The following PTK2B variants were observed in gnomAD, a reference collection of about 807,000 sequenced individuals.
PTK2B encodes protein tyrosine kinase 2 beta, also known as protein-tyrosine kinase 2-beta.
PTK2B carries 71 observed loss-of-function variants against 142.9 expected under a neutral mutation model. The observed-to-expected ratio is 0.50, with a 90% CI of 0.41 to 0.61. The LOEUF (loss-of-function observed/expected upper bound fraction) is 0.61, where lower values mean the gene tolerates loss of function less well. Ranked by LOEUF, PTK2B falls within the 20% of genes least tolerant of loss-of-function variation. The pLI, the probability that PTK2B is intolerant of heterozygous loss-of-function variation, is 0.00. For missense variants in PTK2B, 1,105 were observed against 1,320.4 expected (o/e 0.84, Z 2.53); for synonymous variants, 519 against 503.4 (o/e 1.03, Z -0.42).
At chr8:27,415,436 G>A (rs184753300) in intron 2 of PTK2B, among the ~76,000 whole-genome samples, 1 of 152,292 alleles carries the variant, frequency 6.6e-6, no homozygotes, top group Admixed American at 6.5e-5. Flanking sequence ...AAAAATGATG[G>A]GATAGCTTGG....
At chr8:27,396,749 C>G (rs1417199708) in intron 1 of PTK2B, among the ~76,000 whole-genome samples, 2 of 152,218 alleles carry the variant, frequency 1.3e-5, no homozygotes, top group Admixed American at 6.5e-5. Context: ...GTTGCTGATT[C>G]AAGGTGAACT....
chr8:27,340,536 A>G (rs181678756), intron 1 of PTK2B, among the ~76,000 whole-genome samples: 1 of 152,364 alleles, frequency 6.6e-6, no homozygotes, highest in East Asian at 1.9e-4. Flanking sequence ...AGTGTTGGAC[A>G]TCATTCTCCG....
intron 1 of PTK2B, among the ~76,000 whole-genome samples, chr8:27,343,879 T>G (rs1284205436): frequency 6.6e-6 from 1 of 151,986 alleles, no homozygotes; most frequent in Non-Finnish European, 1.5e-5. Flanking sequence ...GGTGGGCGCC[T>G]GTAGTCCCAG....
At chr8:27,418,597 A>C (rs1400599975) in intron 2 of PTK2B, among the ~76,000 whole-genome samples, 1 of 152,214 alleles carries the variant, frequency 6.6e-6, no homozygotes, top group Non-Finnish European at 1.5e-5. Context: ...GATGGCACGC[A>C]CATTGCAGAC....
At chr8:27,407,881 C>T (rs945827326) in intron 2 of PTK2B, among the ~76,000 whole-genome samples, 1 of 152,186 alleles carries the variant, frequency 6.6e-6, no homozygotes, top group Admixed American at 6.5e-5. Flanking sequence ...TAAGCTCTTA[C>T]GTGTCTGTAA....
upstream of PTK2B, among the ~76,000 whole-genome samples, chr8:27,323,056 A>G (rs1205571461): frequency 6.6e-6 from 1 of 152,258 alleles, no homozygotes; most frequent in Non-Finnish European, 1.5e-5. Context: ...AAAGTTAATC[A>G]CCAGCTCAAC....
intron 26 of PTK2B, 21 bp downstream of exon 26, chr8:27,451,099 GCCTCCT>G: frequency 6.2e-7 from 1 of 1,608,466 alleles, no homozygotes; most frequent in Admixed American, 1.7e-5. Context: ...AGGAGAGGCC[GCCTCCT>G]CCATGCCAAG....
rs112021465 is a variant in PTK2B, at chr8:27,364,470, G to C, written c.-37-33078G>C. Among the ~76,000 whole-genome samples, 1,098 of 152,374 alleles carry C rather than the reference G, an allele frequency of 7.2e-3. 12 individuals carry two copies. The highest frequency in any genetic ancestry group is 0.024 in the African/African-American group (986 of 41,584). On this transcript the variant is annotated intron_variant, in intron 1 of 30. Coordinates refer to ENST00000346049, the MANE Select transcript of PTK2B (RefSeq NM_173176.3). ...ATGTGCTGAAAAGGGAACAGCAGCCGTGAAGAAAAGCTTCCTGACGGAGGT... is the reference window on the plus strand; with the variant it reads ...ATGTGCTGAAAAGGGAACAGCAGCCCTGAAGAAAAGCTTCCTGACGGAGGT...
At chr8:27,441,502 T>G (rs1315305506) in intron 21 of PTK2B, among the ~76,000 whole-genome samples, 1 of 152,188 alleles carries the variant, frequency 6.6e-6, no homozygotes, top group Non-Finnish European at 1.5e-5. Context: ...TTGTTTGATT[T>G]TAGGGCAAGT....
rs754372706 is a variant in PTK2B, at chr8:27,442,861, GT to G, written c.2040-13del. Reference sequence around the variant, plus strand: ...GACCTAGTTTCTCTCCTTATCTGACGTGACTCCCTGCAGTGACGTTTATCAG... The same window carrying G: ...GACCTAGTTTCTCTCCTTATCTGACGGACTCCCTGCAGTGACGTTTATCAG... On this transcript the variant is annotated splice_polypyrimidine_tract_variant and intron_variant, in intron 21 of 30. Transcript: ENST00000346049. 1 of 1,606,296 alleles carries G rather than the reference GT, an allele frequency of 6.2e-7. No individual in the cohort carries two copies. Among genetic ancestry groups the G allele is most frequent in the South Asian group, 1.1e-5 (1 of 90,956 alleles).
At chr8:27,311,114 C>A, upstream of PTK2B, 4 of 1,600,516 alleles carry the variant, frequency 2.5e-6, no homozygotes, top group Non-Finnish European at 3.4e-6. Flanking sequence ...GCACCCGCGG[C>A]AGAAGTTGTG....
intron 1 of PTK2B, among the ~76,000 whole-genome samples, chr8:27,389,606 T>G (rs539996318): frequency 6.6e-6 from 1 of 152,326 alleles, no homozygotes; most frequent in South Asian, 2.1e-4. Context: ...ACAGGGGGAC[T>G]CCCAGTGGGT....
chr8:27,447,783 T>C (rs1231207970), intron 24 of PTK2B, among the ~76,000 whole-genome samples: 1 of 152,110 alleles, frequency 6.6e-6, no homozygotes, highest in Non-Finnish European at 1.5e-5. Context: ...CACTTGAACC[T>C]GGGAGGCAGA....
intron 24 of PTK2B, among the ~76,000 whole-genome samples, chr8:27,448,580 T>G (rs1811618277): frequency 6.8e-6 from 1 of 146,270 alleles, no homozygotes; most frequent in Admixed American, 6.8e-5. Context: ...TGGTGGAATC[T>G]TCTGTCAACA....
At chr8:27,334,736 C>T (rs1026577029) in intron 1 of PTK2B, among the ~76,000 whole-genome samples, 3 of 152,146 alleles carry the variant, frequency 2.0e-5, no homozygotes, top group African/African-American at 7.2e-5. Context: ...AGCGCTTCCT[C>T]ATTCCCCGCA....
At chr8:27,348,116 A>G (rs1214204993) in intron 1 of PTK2B, among the ~76,000 whole-genome samples, 1 of 152,262 alleles carries the variant, frequency 6.6e-6, no homozygotes, top group Non-Finnish European at 1.5e-5. Flanking sequence ...CGACCTCCAG[A>G]TAAAATGAGA....
chr8:27,356,730 A>C (rs1428951927), intron 1 of PTK2B, among the ~76,000 whole-genome samples: 1 of 152,272 alleles, frequency 6.6e-6, no homozygotes, highest in Non-Finnish European at 1.5e-5. Flanking sequence ...TCAGCAATGA[A>C]AATGAACAAA....
chr8:27,310,515 G>T (rs142079519), upstream of PTK2B, among the ~76,000 whole-genome samples: 1,392 of 152,392 alleles, frequency 9.1e-3, 7 homozygotes, highest in Non-Finnish European at 0.014. Flanking sequence ...CACAAGGGGT[G>T]CATGGCCTGG....
chr8:27,395,076 T>A, intron 1 of PTK2B, among the ~76,000 whole-genome samples: 1 of 152,278 alleles, frequency 6.6e-6, no homozygotes, highest in African/African-American at 2.4e-5. Flanking sequence ...ACTTTTTTTT[T>A]TATAAGTAGA....
Sources: allele counts gnomAD v4.1 joint callset (sites outside exome capture counted in the v4.1 genomes callset), GRCh38; gene constraint gnomAD v4.1.1; transcripts MANE v1.5; gene names NCBI Gene and HGNC (gene_info 2026-07-23, HGNC 2026-07-21).